The following EFHC1 variants were observed in gnomAD, a reference collection of about 807,000 sequenced individuals.
EFHC1 encodes EF-hand domain containing 1, also known as EF-hand domain-containing protein 1.
In EFHC1, 53 loss-of-function variants were observed where a neutral mutation model predicts 69.9. That is an observed-to-expected ratio of 0.76 (90% CI 0.61 to 0.95). The LOEUF is 0.95. Ranked by LOEUF, EFHC1 falls within the 40% of genes least tolerant of loss-of-function variation. The pLI, the probability that EFHC1 is intolerant of heterozygous loss-of-function variation, is 0.00. For synonymous variants in EFHC1, 256 were observed against 278.4 expected (o/e 0.92, Z 0.80); for missense variants, 739 against 798.7 (o/e 0.93, Z 0.90).
At chr6:52,460,699 C>T (rs776338561) in intron 5 of EFHC1, among the ~76,000 whole-genome samples, 6 of 152,032 alleles carry the variant, frequency 3.9e-5, no homozygotes, top group Non-Finnish European at 7.4e-5. Context: ...TACCAGAAGA[C>T]AGTAAAATAA....
At chr6:52,467,246 G>A (rs537022687) in intron 6 of EFHC1, among the ~76,000 whole-genome samples, 1 of 150,012 alleles carries the variant, frequency 6.7e-6, no homozygotes, top group East Asian at 2.0e-4. Context: ...CAGTGGTGCA[G>A]TCTTGGCTCA....
intron 1 of EFHC1, among the ~76,000 whole-genome samples, chr6:52,422,436 C>CAGT (rs1275325309): frequency 1.3e-5 from 2 of 151,998 alleles, no homozygotes; most frequent in African/African-American, 4.8e-5. Context: ...GAATACATGA[C>CAGT]CTTTAAAAAC....
chr6:52,489,279 A>C (rs1331020088), intron 9 of EFHC1: 1 of 152,164 alleles, frequency 6.6e-6, no homozygotes, highest in Non-Finnish European at 1.5e-5. Context: ...CTGGAGTGGG[A>C]TGTGAGTGCT....
chr6:52,472,653 A>G (rs543998716), intron 7 of EFHC1, among the ~76,000 whole-genome samples: 64 of 122,502 alleles, frequency 5.2e-4, no homozygotes, highest in Middle Eastern at 0.01. Context: ...AGAGATATGT[A>G]ATATCTTTTA....
intron 2 of EFHC1, 42 bp from the exon 3 acceptor site, chr6:52,438,262 A>T (rs759399557): frequency 9.5e-6 from 15 of 1,584,070 alleles, no homozygotes; most frequent in Admixed American, 1.7e-5. Flanking sequence ...TGACTATGAC[A>T]AGCTAATAGT....
chr6:52,466,497 T>G (rs1765309939), intron 6 of EFHC1, among the ~76,000 whole-genome samples: 1 of 152,204 alleles, frequency 6.6e-6, no homozygotes, highest in African/African-American at 2.4e-5. Context: ...CAAAAAGCCT[T>G]TCATCTCTAT....
At chr6:52,487,675 A>G (rs1209768111) in intron 9 of EFHC1, 2 of 152,242 alleles carry the variant, frequency 1.3e-5, no homozygotes, top group Admixed American at 6.5e-5. Flanking sequence ...TTCTAAGAGC[A>G]CACAGAAAAC....
chr6:52,433,790 G>A (rs994082156), intron 2 of EFHC1, among the ~76,000 whole-genome samples: 3 of 152,032 alleles, frequency 2.0e-5, no homozygotes, highest in Non-Finnish European at 4.4e-5. Flanking sequence ...GGGAAGGACC[G>A]TTAGGTTGGG....
chr6:52,420,855 T>TC (rs1469163584), intron 1 of EFHC1, among the ~76,000 whole-genome samples: 1 of 151,620 alleles, frequency 6.6e-6, no homozygotes, highest in African/African-American at 2.4e-5. Context: ...CTGGGCCCTC[T>TC]CCCTAGCTCG....
At chr6:52,466,864 C>T (rs1284213705) in intron 6 of EFHC1, among the ~76,000 whole-genome samples, 1 of 152,144 alleles carries the variant, frequency 6.6e-6, no homozygotes, top group Non-Finnish European at 1.5e-5. Context: ...GGTGATAATA[C>T]CTCTTGCTGT....
At chr6:52,471,041 G>A (rs1243075538) in intron 7 of EFHC1, among the ~76,000 whole-genome samples, 1 of 152,234 alleles carries the variant, frequency 6.6e-6, no homozygotes, top group Admixed American at 6.5e-5. Context: ...ACTTGAAGGT[G>A]CTGGACAACT....
At chr6:52,453,282 A>ATGGTC (rs1397541196) in intron 4 of EFHC1, 19 of 1,287,680 alleles carry the variant, frequency 1.5e-5, no homozygotes, top group Non-Finnish European at 1.8e-5. Flanking sequence ...CCCACTACAG[A>ATGGTC]TGCTTCCTTG....
intron 5 of EFHC1, among the ~76,000 whole-genome samples, chr6:52,461,420 A>G (rs1379991423): frequency 6.6e-6 from 1 of 152,156 alleles, no homozygotes; most frequent in African/African-American, 2.4e-5. Context: ...TTATGGCTGC[A>G]TAGTATTCCA....
intron 3 of EFHC1, among the ~76,000 whole-genome samples, chr6:52,443,362 C>T (rs1216005624): frequency 1.3e-5 from 2 of 152,176 alleles, no homozygotes; most frequent in Admixed American, 6.5e-5. Context: ...AGTCCTTGCC[C>T]ATGCCTATGT....
intron 3 of EFHC1, among the ~76,000 whole-genome samples, chr6:52,450,519 A>AG (rs1562451542): frequency 1.3e-5 from 2 of 152,114 alleles, no homozygotes; most frequent in Admixed American, 6.5e-5. Flanking sequence ...TAGCATAGTT[A>AG]GTTTTTTTTG....
chr6:52,469,535 A>AT (rs140161008), intron 7 of EFHC1, 62 bp downstream of exon 7: 89,257 of 1,601,438 alleles, frequency 0.056, 2,905 homozygotes, highest in Middle Eastern at 0.065. Context: ...ACAATTGTTT[A>AT]TTTTATCTGT....
chr6:52,424,393 AG>A (rs1218005409), intron 2 of EFHC1, among the ~76,000 whole-genome samples: 1 of 152,186 alleles, frequency 6.6e-6, no homozygotes, highest in Non-Finnish European at 1.5e-5. Context: ...AGACTTCACC[AG>A]ACTATTTTCC....
chr6:52,422,291 C>T (rs1764207163), intron 1 of EFHC1, among the ~76,000 whole-genome samples: 1 of 152,176 alleles, frequency 6.6e-6, no homozygotes, highest in Admixed American at 6.5e-5. Context: ...ACTGATGTTG[C>T]TTCTGTCTTT....
chr6:52,454,375 T>C, intron 5 of EFHC1, 88 bp downstream of exon 5: 4 of 1,527,630 alleles, frequency 2.6e-6, no homozygotes, highest in Non-Finnish European at 3.6e-6. Flanking sequence ...AATTCGTTTA[T>C]ACTTGGAAGC....
Sources: allele counts gnomAD v4.1 joint callset (sites outside exome capture counted in the v4.1 genomes callset), GRCh38; gene constraint gnomAD v4.1.1; transcripts MANE v1.5; gene names NCBI Gene and HGNC (gene_info 2026-07-23, HGNC 2026-07-21).